SH3GL1: variants seen among roughly 807,000 people sequenced by gnomAD.
The protein encoded by SH3GL1 is SH3 domain containing GRB2 like 1, endophilin A2.
SH3GL1 carries 21 observed loss-of-function variants against 48.8 expected under a neutral mutation model. The observed-to-expected ratio is 0.43, with a 90% CI of 0.30 to 0.62. SH3GL1 has a LOEUF of 0.62. SH3GL1 is among the 20% of genes least tolerant of loss of function. The pLI is 0.11. For synonymous variants in SH3GL1, 282 were observed against 217.5 expected, an observed-to-expected ratio of 1.30 and a Z score of -2.61; for missense variants, 454 against 503.0, an observed-to-expected ratio of 0.90 and a Z score of 0.93.
At chr19:4,382,539 G>T (rs958009639) in intron 1 of SH3GL1, among the ~76,000 whole-genome samples, 1 of 151,682 alleles carries the variant, frequency 6.6e-6, no homozygotes, top group Non-Finnish European at 1.5e-5. Flanking sequence ...TTACAGGCGT[G>T]AGCCACCGCG....
chr19:4,360,829 C>T lies in SH3GL1; in HGVS notation c.*771G>A, dbSNP rs1363049777. On this transcript the variant is annotated 3_prime_UTR_variant, in exon 10 of 10. Transcript: ENST00000269886. ...GGGTGTGGGTGGCTGGTGGTGGCAG[C>T]TTGTGCCAGAGTGACACAGGCCTCC... 8.6e-6 allele frequency: 2 copies of T among 233,826 alleles called. No individual in the cohort carries two copies. Among genetic ancestry groups the T allele is most frequent in the African/African-American group, 2.2e-5 (1 of 45,330 alleles). The allele number at this position is 233,826 out of a possible 1,614,324, so 14.5% of individuals were successfully genotyped here. A position where few individuals can be genotyped will look rare whatever the true frequency, so the allele number is the denominator to read the frequency against.
intron 1 of SH3GL1, among the ~76,000 whole-genome samples, chr19:4,397,339 C>T (rs1016242747): frequency 2.0e-5 from 3 of 152,194 alleles, no homozygotes; most frequent in Admixed American, 6.5e-5. Flanking sequence ...CTAAGCCCAG[C>T]TAACACCACA....
rs371855853 is a variant in SH3GL1 at position 4,361,848 on chromosome 19, C to T, written c.911-52G>A. 510 of 1,335,690 alleles carry T rather than the reference C, an allele frequency of 3.8e-4. 1 individual carries two copies. In the African/African-American group the frequency reaches 6.7e-3, roughly 17 times the overall value. 82.7% of individuals were successfully genotyped at this position (1,335,690 alleles called of 1,614,324 possible). The stretch of plus-strand genomic sequence containing the variant: ...TGGGGCTGCTACGCCTCACCCCGCC[C>T]AGTCTGGGGTCTCAGACCTGCTGTG... On this transcript the variant is annotated intron_variant, in intron 9 of 9. Transcript: ENST00000269886.
At chr19:4,383,883 C>T (rs950398305) in intron 1 of SH3GL1, among the ~76,000 whole-genome samples, 1 of 152,182 alleles carries the variant, frequency 6.6e-6, no homozygotes. Context: ...CAGAACACAG[C>T]GTTGAGAGCT....
intron 1 of SH3GL1, among the ~76,000 whole-genome samples, chr19:4,383,975 T>C (rs1973187492): frequency 6.6e-6 from 1 of 152,214 alleles, no homozygotes; most frequent in African/African-American, 2.4e-5. Flanking sequence ...TCTGCACTTG[T>C]CTGCAAAAGA....
At position 4,381,269 on chromosome 19, in the gene SH3GL1, CCT is replaced by C. The variant is rs543334811; in HGVS notation, c.46-14277_46-14276del. 2.6e-3 allele frequency among the ~76,000 whole-genome samples: 290 copies of C among 111,050 alleles called. 5 individuals carry two copies. Among genetic ancestry groups the C allele is most frequent in the Admixed American group, 5.7e-3 (57 of 9,928 alleles). The allele number at this position is 111,050 out of a possible 152,430, so 72.9% of individuals were successfully genotyped here. On this transcript the variant is annotated intron_variant, in intron 1 of 9. Coordinates refer to ENST00000269886, the MANE Select transcript of SH3GL1 (RefSeq NM_003025.4). The stretch of plus-strand genomic sequence containing the variant: ...CCCTCTGCCTCTCTCTGTCCCCCTA[CCT>C]CTGTCTCCCGTCTCCCTCTGTCCCC...
At chr19:4,364,916 A>T (rs243259) in intron 4 of SH3GL1, among the ~76,000 whole-genome samples, 58,675 of 113,904 alleles carry the variant, frequency 0.52, 16,033 homozygotes, top group East Asian at 0.64. Flanking sequence ...ATATATATAT[A>T]TTTTTTTTTT....
At chr19:4,371,783 C>T (rs1021033393) in intron 1 of SH3GL1, among the ~76,000 whole-genome samples, 3 of 152,124 alleles carry the variant, frequency 2.0e-5, no homozygotes, top group East Asian at 3.9e-4. Context: ...TCTGCCTGCC[C>T]GTCGGCATCG....
In SH3GL1 at chr19:4,363,416, G is replaced by C. The variant is rs1972679390; in HGVS notation, c.682C>G (p.Gln228Glu). ...LVDAQLDYHR[Q>E]AVQILDELAE... ...AGCTCGTCCAGGATCTGCACGGCCT[G>C]CCGGTGGTAGTCCAGCTGTGCATCC... Residue 228 changes from glutamine (Q) to glutamate (E), a missense_variant, in exon 7 of 10, where the codon CAG becomes GAG. Around this residue, in one of 2 missense-constraint regions of SH3GL1, gnomAD observed 278 missense variants for 246.8 expected, o/e 1.13. Coordinates refer to ENST00000269886, the MANE Select transcript of SH3GL1 (RefSeq NM_003025.4). The C allele has an allele frequency of 1.9e-6, 3 of 1,612,308 alleles. No individual in the cohort carries two copies. The highest frequency in any genetic ancestry group is 2.7e-5 in the African/African-American group (2 of 75,028).
At chr19:4,394,228 A>C (rs1230724246) in intron 1 of SH3GL1, among the ~76,000 whole-genome samples, 5 of 151,860 alleles carry the variant, frequency 3.3e-5, no homozygotes, top group Non-Finnish European at 1.5e-5. Context: ...TTTATCAGGA[A>C]GCCAGTTAGC....
chr19:4,368,056 A>C (rs1222602284), intron 1 of SH3GL1, among the ~76,000 whole-genome samples: 12 of 152,254 alleles, frequency 7.9e-5, no homozygotes, highest in Admixed American at 7.8e-4. Context: ...CCATCTCTGA[A>C]GTCATCGGCA....
chr19:4,371,588 G>T (rs1004453911), intron 1 of SH3GL1, among the ~76,000 whole-genome samples: 1 of 152,262 alleles, frequency 6.6e-6, no homozygotes, highest in Non-Finnish European at 1.5e-5. Context: ...AAGCCAGCGT[G>T]GGGGAGGGCA....
chr19:4,365,925 G>A (rs1333000318), intron 3 of SH3GL1, among the ~76,000 whole-genome samples: 3 of 152,158 alleles, frequency 2.0e-5, no homozygotes, highest in African/African-American at 4.8e-5. Flanking sequence ...GGGAGGAGGC[G>A]CAGCAGTGAT....
chr19:4,380,753 G>A (rs1973104799), intron 1 of SH3GL1, among the ~76,000 whole-genome samples: 1 of 152,152 alleles, frequency 6.6e-6, no homozygotes, highest in Non-Finnish European at 1.5e-5. Context: ...TGAATGAGGG[G>A]ACGGTTTTCA....
At chr19:4,362,831 G>A (rs1972661161) in intron 7 of SH3GL1, 95 bp from the exon 8 acceptor site, 31 of 1,586,110 alleles carry the variant, frequency 2.0e-5, no homozygotes, top group Non-Finnish European at 2.4e-5. Context: ...CCTGGCCTGG[G>A]ACTGCAGGAA....
At chr19:4,395,077 C>A (rs1012308737) in intron 1 of SH3GL1, among the ~76,000 whole-genome samples, 1 of 152,230 alleles carries the variant, frequency 6.6e-6, no homozygotes, top group Non-Finnish European at 1.5e-5. Context: ...CAAGTTCCAG[C>A]AAAGAACTGG....
At chr19:4,365,190 C>A (rs1446703654) in intron 4 of SH3GL1, among the ~76,000 whole-genome samples, 2 of 152,112 alleles carry the variant, frequency 1.3e-5, no homozygotes, top group Admixed American at 6.5e-5. Context: ...CCTAAAAGGG[C>A]CTAGGTTTGC....
At chr19:4,373,914 G>A (rs1328193612) in intron 1 of SH3GL1, among the ~76,000 whole-genome samples, 3 of 152,244 alleles carry the variant, frequency 2.0e-5, no homozygotes, top group South Asian at 2.1e-4. Context: ...AGTCTAAATC[G>A]CCTTGGGGGT....
At chr19:4,380,916 C>G (rs1235030704) in intron 1 of SH3GL1, among the ~76,000 whole-genome samples, 1 of 152,132 alleles carries the variant, frequency 6.6e-6, no homozygotes, top group Non-Finnish European at 1.5e-5. Context: ...GATGGAACCC[C>G]AGCTCTTAGC....
Sources: allele counts gnomAD v4.1 joint callset (sites outside exome capture counted in the v4.1 genomes callset), GRCh38; gene constraint gnomAD v4.1.1; regional missense constraint gnomAD v4.1.1; transcripts MANE v1.5; gene names NCBI Gene and HGNC (gene_info 2026-07-23, HGNC 2026-07-21).